Variants in EWSR1 observed in about 807,000 individuals in gnomAD.
EWSR1 encodes EWS RNA binding protein 1.
A neutral mutation model predicts 92.1 loss-of-function variants in EWSR1; 14 were observed. That is an observed-to-expected ratio of 0.15 (90% confidence interval 0.10 to 0.24). The LOEUF is 0.24. EWSR1 is among the 10% of genes least tolerant of loss of function. EWSR1 has a pLI of 1.00. For missense variants in EWSR1, 637 were observed against 870.9 expected, an observed-to-expected ratio of 0.73 and a Z score of 3.38; for synonymous variants, 303 against 292.9, an observed-to-expected ratio of 1.03 and a Z score of -0.35.
chr22:29,298,816 G>C lies in EWSR1; in HGVS notation c.1501G>C (p.Gly501Arg), dbSNP rs2061097014. 1 of 1,603,572 alleles carries C rather than the reference G, an allele frequency of 6.2e-7. No individual in the cohort carries two copies. The highest frequency in any genetic ancestry group is 2.2e-5 in the East Asian group (1 of 44,840). ...GGDRGGFPPR[G>R]PRGSRGNPSG... ...AGATAGAGGAGGCTTCCCTCCAAGA[G>C]GACCCCGGGGTTCCCGAGGGAACCC... Residue 501 changes from glycine to arginine, a missense_variant, in exon 14 of 17, where the codon GGA becomes CGA. Gly to Arg is a moderately radical substitution (Grantham distance 125, BLOSUM62 -2). Transcript: ENST00000397938.
At chr22:29,285,898 C>G (rs919465534) in intron 6 of EWSR1, among the ~76,000 whole-genome samples, 1 of 152,022 alleles carries the variant, frequency 6.6e-6, no homozygotes, top group Non-Finnish European at 1.5e-5. Context: ...AGTGCAGTGG[C>G]ACTATCTCGG....
chr22:29,271,956 G>A (rs1195138220), intron 1 of EWSR1, among the ~76,000 whole-genome samples: 2 of 152,104 alleles, frequency 1.3e-5, no homozygotes, highest in Non-Finnish European at 2.9e-5. Context: ...TTGTGGTCAT[G>A]GGAACATAAA....
At position 29,278,061 on chromosome 22, in the gene EWSR1, C is replaced by T; in HGVS notation, c.258C>T (p.Tyr86=). 1 of 1,614,012 alleles carries T rather than the reference C, an allele frequency of 6.2e-7. No homozygotes were observed. The highest frequency in any genetic ancestry group is 1.1e-5 in the South Asian group (1 of 91,070). Residue 86 remains tyrosine, a synonymous_variant, in exon 5 of 17, where the codon TAC becomes TAT. Transcript: ENST00000397938. The part of the protein sequence containing the change: ...GYTTPTAPQA[Y]SQPVQGYGTG... ...CTACTCCAACTGCCCCCCAGGCATA[C>T]AGCCAGCCTGTCCAGGGGTATGGCA...
intron 5 of EWSR1, among the ~76,000 whole-genome samples, chr22:29,279,600 A>C (rs1433457542): frequency 6.6e-6 from 1 of 152,220 alleles, no homozygotes; most frequent in Non-Finnish European, 1.5e-5. Context: ...ACAGTCTTGA[A>C]AGGACATTGA....
Position 29,272,326 on chromosome 22 carries a change from G to A in EWSR1, c.51-54G>A. The A allele has an allele frequency of 3.1e-6, 5 of 1,610,334 alleles. No individual in the cohort carries two copies. In the South Asian group the frequency reaches 5.5e-5, roughly 18 times the overall value. On this transcript the variant is annotated intron_variant, in intron 2 of 16. Transcript: ENST00000397938. ...GAATATGGAGCCTTCTATAATTGTA[G>A]AGGTGGTATTTGAATGTTCTCTATT... is the stretch of plus-strand genomic sequence containing the variant.
intron 9 of EWSR1, 169 bp downstream of exon 9, chr22:29,291,768 GT>G: frequency 1.6e-6 from 1 of 629,250 alleles, no homozygotes; most frequent in Non-Finnish European, 2.7e-6. Context: ...TTAACCTATG[GT>G]TACAAAACAA....
At chr22:29,295,487 A>C (rs889567919) in intron 11 of EWSR1, 54 of 209,864 alleles carry the variant, frequency 2.6e-4, no homozygotes, top group African/African-American at 1.1e-3. Context: ...ATGCATTTCC[A>C]CATTATTCAT....
At position 29,300,467 on chromosome 22, in the gene EWSR1, A is replaced by T; in HGVS notation, c.*306A>T. ...GGGCCTCTTAACTGTAACAATGTTCATGGTTGTGATGTTTTTTTTTTTTTT... is the reference window on the plus strand; with the variant it reads ...GGGCCTCTTAACTGTAACAATGTTCTTGGTTGTGATGTTTTTTTTTTTTTT... On this transcript the variant is annotated 3_prime_UTR_variant, in exon 17 of 17. Transcript: ENST00000397938. 3.6e-6 allele frequency: 1 copy of T among 279,092 alleles called. No individual in the cohort carries two copies. Among genetic ancestry groups the T allele is most frequent in the Non-Finnish European group, 6.6e-6 (1 of 151,438 alleles). The allele number at this position is 279,092 out of a possible 1,614,324, so 17.3% of individuals were successfully genotyped here. A position where few individuals can be genotyped will look rare whatever the true frequency, so the allele number is the denominator to read the frequency against.
intron 8 of EWSR1, chr22:29,291,229 C>G (rs2060418942): frequency 3.1e-6 from 1 of 318,426 alleles, no homozygotes; most frequent in African/African-American, 2.1e-5. Flanking sequence ...TGCTCCTCCC[C>G]TCTATACCAA....
At chr22:29,276,877 C>G in intron 4 of EWSR1, 1 of 231,282 alleles carries the variant, frequency 4.3e-6, no homozygotes, top group East Asian at 6.1e-5. Context: ...GTCTCTAACT[C>G]CTAAACTCAA....
chr22:29,278,704 C>T lies in EWSR1; in HGVS notation c.413+488C>T, dbSNP rs1266020852. ...GCCGGGCATGGTGGTGGGTGCCTGTCGTCCCAGCTACTCGGGAGGCTGAGG... is the reference window on the plus strand; with the variant it reads ...GCCGGGCATGGTGGTGGGTGCCTGTTGTCCCAGCTACTCGGGAGGCTGAGG... On this transcript the variant is annotated intron_variant, in intron 5 of 16. Coordinates refer to ENST00000397938, the MANE Select transcript of EWSR1 (RefSeq NM_005243.4). Among the ~76,000 whole-genome samples, 17 of 151,978 alleles carry T rather than the reference C, an allele frequency of 1.1e-4. No homozygotes were observed. The East Asian group carries it at 1.7e-3, about 16-fold the overall frequency.
At chr22:29,289,590 C>T (rs1472374950) in intron 8 of EWSR1, 5 of 232,120 alleles carry the variant, frequency 2.2e-5, no homozygotes, top group East Asian at 1.8e-4. Flanking sequence ...ATCCAGAAGG[C>T]TTAGTTCTGT....
At chr22:29,299,570 C>T in intron 15 of EWSR1, 29 bp from the exon 16 acceptor site, 1 of 1,557,486 alleles carries the variant, frequency 6.4e-7, no homozygotes, top group Non-Finnish European at 8.7e-7. Flanking sequence ...CACCCACTGA[C>T]TGCTTTCGCC....
In EWSR1 at chr22:29,299,772, C is replaced by T. The variant is rs774802216; in HGVS notation, c.1852C>T (p.Pro618Ser). The T allele has an allele frequency of 8.1e-6, 13 of 1,602,310 alleles. No homozygotes were observed. The Admixed American group carries it at 2.2e-4, about 27-fold the overall frequency. ...GGFGGGRRGG[P>S]GGPPGPLMEQ... ...CTTTGGTGGAGGAAGACGAGGTGGC[C>T]CTGGGGGGCCCCCTGGACCTTTGAT... Residue 618 changes from proline to serine, a missense_variant, in exon 16 of 17, where the codon CCT (proline) becomes TCT (serine). Transcript: ENST00000397938.
chr22:29,284,030 C>T (rs2059825638), intron 6 of EWSR1, among the ~76,000 whole-genome samples: 1 of 151,262 alleles, frequency 6.6e-6, no homozygotes, highest in East Asian at 1.9e-4. Context: ...GACGGGGTTT[C>T]TCCATGTTGG....
chr22:29,272,104 G>C (rs1476165287), intron 1 of EWSR1, 112 bp from the exon 2 acceptor site: 10 of 935,524 alleles, frequency 1.1e-5, no homozygotes, highest in Non-Finnish European at 1.7e-5. Context: ...GTGTTGGCAG[G>C]TCTCCCTACA....
At chr22:29,272,131 C>T in intron 1 of EWSR1, 85 bp from the exon 2 acceptor site, 4 of 1,249,552 alleles carry the variant, frequency 3.2e-6, no homozygotes, top group African/African-American at 3.0e-5. Context: ...AGAATTCTTC[C>T]TGCCACGTGA....
At chr22:29,271,338 G>A (rs1252523720) in intron 1 of EWSR1, among the ~76,000 whole-genome samples, 1 of 152,150 alleles carries the variant, frequency 6.6e-6, no homozygotes, top group Non-Finnish European at 1.5e-5. Flanking sequence ...TTTTCCGTTT[G>A]TTTTTACTAC....
chr22:29,296,513 C>T lies in EWSR1; in HGVS notation c.1294+145C>T, dbSNP rs943900018. 6 of 813,736 alleles carry T rather than the reference C, an allele frequency of 7.4e-6. No homozygotes were observed. In the Admixed American group the frequency reaches 8.3e-5, roughly 11 times the overall value. 50.4% of individuals were successfully genotyped at this position (813,736 alleles called of 1,614,324 possible). A position where few individuals can be genotyped will look rare whatever the true frequency, so the allele number is the denominator to read the frequency against. On this transcript the variant is annotated intron_variant, in intron 12 of 16. Transcript: ENST00000397938. ...CGGTCTCCCTGCAGTAGTAGTAGCACCCAGCCATTGACCCTGGATTTGGAG... is the reference window on the plus strand; with the variant it reads ...CGGTCTCCCTGCAGTAGTAGTAGCATCCAGCCATTGACCCTGGATTTGGAG...
Sources: allele counts gnomAD v4.1 joint callset (sites outside exome capture counted in the v4.1 genomes callset), GRCh38; gene constraint gnomAD v4.1.1; transcripts MANE v1.5; gene names NCBI Gene and HGNC (gene_info 2026-07-23, HGNC 2026-07-21).